ADAMTS8: variants seen among roughly 807,000 people sequenced by gnomAD.
ADAMTS8 encodes ADAM metallopeptidase with thrombospondin type 1 motif 8.
In ADAMTS8, 50 loss-of-function variants were observed where a neutral mutation model predicts 64.4. The ratio of observed to expected loss-of-function variants is 0.78; its 90% CI spans 0.62 to 0.98. The LOEUF (loss-of-function observed/expected upper bound fraction) is 0.98. Among genes scored for constraint, ADAMTS8 ranks in the 50% least tolerant of loss-of-function variants. ADAMTS8 has a pLI of 0.00. For missense variants in ADAMTS8, 1,192 were observed against 1,208.2 expected (o/e 0.99, Z 0.20); for synonymous variants, 556 against 533.6 (o/e 1.04, Z -0.58).
chr11:130,408,791 C>A lies in ADAMTS8; in HGVS notation c.1900G>T (p.Glu634Ter). ...KLFCRARGRS[E>*]FKVFEAKVID... ...ACCTTGGCCTCGAACACTTTGAACTCGCTCCTCCCCCGGGCTCGGCAGAAC... is the reference window on the plus strand; with the variant it reads ...ACCTTGGCCTCGAACACTTTGAACTAGCTCCTCCCCCGGGCTCGGCAGAAC... Residue 634 changes from glutamate (E) to a stop codon, truncating the protein, a stop_gained, in exon 7 of 9, where the codon GAG (glutamate) becomes TAG (stop). Transcript: ENST00000257359. LOFTEE classifies it high-confidence loss of function. 6.2e-7 allele frequency: 1 copy of A among 1,614,136 alleles called. No individual in the cohort carries two copies. Among genetic ancestry groups the A allele is most frequent in the South Asian group, 1.1e-5 (1 of 91,072 alleles).
chr11:130,425,189 A>G (rs1026888899), intron 1 of ADAMTS8, among the ~76,000 whole-genome samples: 2 of 152,088 alleles, frequency 1.3e-5, no homozygotes, highest in African/African-American at 4.8e-5. Flanking sequence ...ACACAGAGAA[A>G]GCCGAATTGT....
intron 8 of ADAMTS8, among the ~76,000 whole-genome samples, chr11:130,407,852 C>G (rs1257758329): frequency 1.3e-5 from 2 of 152,138 alleles, no homozygotes; most frequent in Non-Finnish European, 2.9e-5. Context: ...TAGTATTGGC[C>G]TTGCTCACCT....
chr11:130,427,974 T>C lies in ADAMTS8; in HGVS notation c.313A>G (p.Thr105Ala), dbSNP rs1417220498. 2 of 1,530,364 alleles carry C rather than the reference T, an allele frequency of 1.3e-6. No homozygotes were observed. Among genetic ancestry groups the C allele is most frequent in the East Asian group, 2.5e-5 (1 of 40,168 alleles). The allele number at this position is 1,530,364 out of a possible 1,614,324, so 94.8% of individuals were successfully genotyped here. The change falls in exon 1 of 9, where the codon ACC becomes GCC. Residue 105 changes from threonine (T) to alanine (A), a missense_variant. Physicochemically the swap from Thr to Ala is moderately conservative, Grantham distance 58 (BLOSUM62 0). Around this residue, in one of 5 missense-constraint regions of ADAMTS8, gnomAD observed 741 missense variants for 710.6 expected, o/e 1.04. Transcript: ENST00000257359. ...AGCGACTCGGGCTCCCCATTCACGGTGCCGGAGAAGAAGCAGCCGCGCAGC... is the reference window on the plus strand; with the variant it reads ...AGCGACTCGGGCTCCCCATTCACGGCGCCGGAGAAGAAGCAGCCGCGCAGC... ...RGLRGCFFSG[T>A]VNGEPESLAA...
rs11222085 is a variant in ADAMTS8 at position 130,405,854 on chromosome 11, T to C, written c.2374A>G (p.Thr792Ala). The change falls in exon 9 of 9, where the codon ACA (threonine) becomes GCA (alanine). Residue 792 changes from threonine (T) to alanine (A), a missense_variant. Thr to Ala is a moderately conservative substitution (Grantham distance 58). Transcript: ENST00000257359. ...LPEPLTVQLL[T>A]VPGEVFPPKV... ...GGGGGGAAGACCTCGCCAGGGACTG[T>C]CAGGAGCTGCACTGTCAGAGGCTCT... 271,531 of 1,613,984 alleles carry C rather than the reference T, an allele frequency of 0.17. 25,241 individuals are homozygous for C. The highest frequency in any genetic ancestry group is 0.21 in the Admixed American group (12,660 of 60,032).
At chr11:130,409,071 A>C in intron 6 of ADAMTS8, 131 bp from the exon 7 acceptor site, 1 of 1,016,732 alleles carries the variant, frequency 9.8e-7, no homozygotes, top group Non-Finnish European at 1.4e-6. Context: ...GCCCAGGGCC[A>C]GTGTCTTCTG....
chr11:130,410,610 G>A (rs372864220), intron 6 of ADAMTS8, among the ~76,000 whole-genome samples: 11 of 152,178 alleles, frequency 7.2e-5, no homozygotes, highest in South Asian at 2.1e-4. Context: ...GTCTTTTCCC[G>A]TGGTTGAATC....
chr11:130,413,426 G>T (rs1417111812), intron 5 of ADAMTS8, among the ~76,000 whole-genome samples: 1 of 152,174 alleles, frequency 6.6e-6, no homozygotes, highest in African/African-American at 2.4e-5. Flanking sequence ...GGCTCCCAAG[G>T]CTCAGTGCAA....
At chr11:130,424,540 C>T (rs1253916565) in intron 1 of ADAMTS8, among the ~76,000 whole-genome samples, 1 of 152,202 alleles carries the variant, frequency 6.6e-6, no homozygotes, top group African/African-American at 2.4e-5. Context: ...AGGCTCTTCT[C>T]ATCCTCCACA....
intron 4 of ADAMTS8, 54 bp from the exon 5 acceptor site, chr11:130,414,886 C>G: frequency 6.7e-7 from 1 of 1,493,584 alleles, no homozygotes; most frequent in Non-Finnish European, 8.9e-7. Flanking sequence ...GCCGCCCTCT[C>G]AGCTCTTCAT....
Position 130,416,170 on chromosome 11 carries a change from G to A in ADAMTS8, c.1257C>T (p.Gly419=), listed in dbSNP as rs539702316. The part of the protein sequence containing the change: ...SAMYLTELLD[G]GHGDCLLDAP... The stretch of plus-strand genomic sequence containing the variant: ...GGGGCCGCCGGTGCCTACCGTGCCC[G>A]CCGTCCAGAAGCTCTGTGAGATACA... The change falls in exon 4 of 9, where the codon GGC becomes GGT. Residue 419 remains glycine (G), a synonymous_variant. Transcript: ENST00000257359. This position sits in a 1 kb window ranked among gnomAD's most constrained non-coding sequence, Gnocchi z 4.8. 7.3e-5 allele frequency: 115 copies of A among 1,579,994 alleles called. 3 individuals carry two copies. The Admixed American group carries it at 7.4e-4, about 10-fold the overall frequency.
intron 5 of ADAMTS8, among the ~76,000 whole-genome samples, 193 bp downstream of exon 5, chr11:130,414,338 G>C (rs559819534): frequency 6.6e-6 from 1 of 152,000 alleles, no homozygotes. Context: ...TGCCCAGGCT[G>C]GTCTCGGTGC....
intron 1 of ADAMTS8, among the ~76,000 whole-genome samples, chr11:130,422,390 G>T (rs1264075499): frequency 6.6e-6 from 1 of 152,318 alleles, no homozygotes; most frequent in East Asian, 1.9e-4. Flanking sequence ...GCCGAAGCCA[G>T]CTGCGGTGGG....
At chr11:130,408,700 G>C in intron 7 of ADAMTS8, 61 bp from the exon 8 acceptor site, 1 of 1,611,422 alleles carries the variant, frequency 6.2e-7, no homozygotes, top group Non-Finnish European at 8.5e-7. Flanking sequence ...GCCTGCCGGG[G>C]GGCGGGGGTG....
chr11:130,417,163 A>G (rs1157607351), intron 2 of ADAMTS8, 88 bp from the exon 3 acceptor site: 2 of 1,563,690 alleles, frequency 1.3e-6, no homozygotes, highest in Non-Finnish European at 1.7e-6. Flanking sequence ...GCCAGCGTGC[A>G]CGTGGGAGTG....
chr11:130,427,882 G>A lies in ADAMTS8; in HGVS notation c.405C>T (p.Ile135=). The change falls in exon 1 of 9, where the codon ATC becomes ATT. Residue 135 remains isoleucine, a synonymous_variant. Transcript: ENST00000257359. The part of the protein sequence containing the change: ...SFLLDGEEFT[I]QPQGAGGSLA... ...GGGAGCCCCCCGCGCCCTGCGGCTG[G>A]ATGGTGAACTCCTCGCCGTCCAGCA... is the stretch of plus-strand genomic sequence containing the variant. The A allele has an allele frequency of 6.5e-7, 1 of 1,535,050 alleles. No individual in the cohort carries two copies. Among genetic ancestry groups the A allele is most frequent in the Non-Finnish European group, 8.7e-7 (1 of 1,146,112 alleles).
Position 130,405,664 on chromosome 11 carries a change from C to A in ADAMTS8, c.2564G>T (p.Arg855Leu). 5.0e-6 allele frequency: 8 copies of A among 1,614,046 alleles called. No homozygotes were observed. Among genetic ancestry groups the A allele is most frequent in the East Asian group, 2.2e-5 (1 of 44,880 alleles). Residue 855 changes from arginine to leucine, a missense_variant, in exon 9 of 9, where the codon CGA becomes CTA. Physicochemically the swap from Arg to Leu is moderately radical, Grantham distance 102. Around this residue, in one of 5 missense-constraint regions of ADAMTS8, gnomAD observed 147 missense variants for 154.1 expected, o/e 0.95. Coordinates refer to ENST00000257359, the MANE Select transcript of ADAMTS8 (RefSeq NM_007037.6). ...SSTCGAGWQR[R>L]TVECRDPSGQ... is the part of the protein sequence containing the mutation. ...GGAGGGGTCCCTGCACTCTACAGTT[C>A]GCCTCTGCCAGCCGGCCCCGCAGGT... is the stretch of plus-strand genomic sequence containing the variant.
intron 8 of ADAMTS8, among the ~76,000 whole-genome samples, chr11:130,406,537 A>G (rs1035080077): frequency 3.3e-5 from 5 of 152,214 alleles, no homozygotes; most frequent in Non-Finnish European, 5.9e-5. Flanking sequence ...CTCCATACCC[A>G]GAGCTCAAAC....
chr11:130,418,636 T>A (rs1862058268), intron 2 of ADAMTS8, among the ~76,000 whole-genome samples: 1 of 152,250 alleles, frequency 6.6e-6, no homozygotes, highest in Non-Finnish European at 1.5e-5. Context: ...GGAAGCTGTC[T>A]GTTTAAGTCA....
At chr11:130,415,506 T>C (rs1022485465) in intron 4 of ADAMTS8, among the ~76,000 whole-genome samples, 1 of 151,798 alleles carries the variant, frequency 6.6e-6, no homozygotes, top group African/African-American at 2.4e-5. Context: ...GGTTTCACCA[T>C]GTTGGACGGG....
Sources: allele counts gnomAD v4.1 joint callset (sites outside exome capture counted in the v4.1 genomes callset), GRCh38; gene constraint gnomAD v4.1.1; regional missense constraint gnomAD v4.1.1; non-coding constraint Gnocchi (gnomAD v3.1); transcripts MANE v1.5; gene names NCBI Gene and HGNC (gene_info 2026-07-23, HGNC 2026-07-21).